The following GTF2IRD2B variants were observed in gnomAD, a reference collection of about 807,000 sequenced individuals.
The protein encoded by GTF2IRD2B is GTF2I repeat domain containing 2B.
GTF2IRD2B carries 10 observed loss-of-function variants against 55.6 expected under a neutral mutation model. The ratio of observed to expected loss-of-function variants is 0.18; its 90% confidence interval spans 0.11 to 0.31. The LOEUF (loss-of-function observed/expected upper bound fraction) is 0.31. Among genes scored for constraint, GTF2IRD2B ranks in the 10% least tolerant of loss-of-function variants. GTF2IRD2B has a pLI of 1.00. For synonymous variants in GTF2IRD2B, 107 were observed against 320.5 expected (o/e 0.33, Z 7.12); for missense variants, 206 against 802.7 (o/e 0.26, Z 8.98).
chr7:75,106,961 A>T (rs1807826852), intron 1 of GTF2IRD2B, among the ~76,000 whole-genome samples: 1 of 151,368 alleles, frequency 6.6e-6, no homozygotes, highest in African/African-American at 2.4e-5. Context: ...AAAAAAAAAA[A>T]AATCTTGGCA....
At chr7:75,120,138 AAAG>A (rs1166236887) in intron 3 of GTF2IRD2B, among the ~76,000 whole-genome samples, 1 of 120,552 alleles carries the variant, frequency 8.3e-6, no homozygotes, top group Non-Finnish European at 1.7e-5. Context: ...CAAAAAAAAA[AAAG>A]AAGAAAGAAA....
chr7:75,132,537 T>C (rs1472254405), intron 8 of GTF2IRD2B, among the ~76,000 whole-genome samples: 4 of 138,994 alleles, frequency 2.9e-5, no homozygotes, highest in African/African-American at 5.8e-5. Context: ...TTCATCCTCC[T>C]CTCCTTCCTT....
chr7:75,136,331 C>T (rs1808836677), intron 10 of GTF2IRD2B, among the ~76,000 whole-genome samples: 2 of 149,492 alleles, frequency 1.3e-5, no homozygotes, highest in Non-Finnish European at 1.5e-5. Flanking sequence ...CAGAATCTCA[C>T]CCTGTCACCC....
rs1244867445 is a variant in GTF2IRD2B at position 75,115,517 on chromosome 7, C to T, written c.238+2982C>T. On this transcript the variant is annotated intron_variant, in intron 3 of 15. Coordinates refer to ENST00000472837, the MANE Select transcript of GTF2IRD2B (RefSeq NM_001003795.3). ...TGGCTGACCACAACCTCTGCCTCCT[C>T]GGTTCAAGCCATTCTCCTGCCTCAG... 7.0e-5 allele frequency among the ~76,000 whole-genome samples: 10 copies of T among 142,966 alleles called. 1 individual carries two copies. Among genetic ancestry groups the T allele is most frequent in the East Asian group, 4.1e-4 (2 of 4,872 alleles). 93.8% of individuals were successfully genotyped at this position (142,966 alleles called of 152,430 possible). A position where few individuals can be genotyped will look rare whatever the true frequency, so the allele number is the denominator to read the frequency against.
At chr7:75,103,381 C>T (rs1310715454) in intron 1 of GTF2IRD2B, among the ~76,000 whole-genome samples, 4 of 151,222 alleles carry the variant, frequency 2.6e-5, no homozygotes, top group Admixed American at 1.3e-4. Context: ...CATGTGGTCC[C>T]GTGGGGACCA....
chr7:75,147,519 T>A (rs1275383964), intron 15 of GTF2IRD2B, among the ~76,000 whole-genome samples, 175 bp from the exon 16 acceptor site: 27 of 152,014 alleles, frequency 1.8e-4, no homozygotes, highest in African/African-American at 5.8e-4. Context: ...GGCAGCGGTT[T>A]GCTGGAGTTG....
chr7:75,127,071 A>T (rs191383136), intron 8 of GTF2IRD2B, among the ~76,000 whole-genome samples: 1,994 of 150,530 alleles, frequency 0.013, 45 homozygotes, highest in Middle Eastern at 0.024. Context: ...TTATCATTTG[A>T]CACCTTTCTT....
At chr7:75,136,198 C>T (rs1379504477) in intron 10 of GTF2IRD2B, among the ~76,000 whole-genome samples, 3 of 131,808 alleles carry the variant, frequency 2.3e-5, no homozygotes, top group South Asian at 2.3e-4. Context: ...AACCTAGAGG[C>T]GTGGGACATC....
intron 3 of GTF2IRD2B, among the ~76,000 whole-genome samples, chr7:75,117,001 C>T (rs1421156060): frequency 4.0e-5 from 6 of 149,602 alleles, no homozygotes; most frequent in East Asian, 3.9e-4. Context: ...TGATATTAGC[C>T]ATGGACTTTT....
chr7:75,146,616 C>T (rs1300295573), intron 15 of GTF2IRD2B: 2 of 27,200 alleles, frequency 7.4e-5, no homozygotes, highest in African/African-American at 3.2e-4. Context: ...CACTTAAACT[C>T]AGGAGTTTGA....
chr7:75,106,264 A>G (rs1306343606), intron 1 of GTF2IRD2B, among the ~76,000 whole-genome samples: 2 of 152,294 alleles, frequency 1.3e-5, no homozygotes, highest in African/African-American at 2.4e-5. Flanking sequence ...TTAGCCGAGC[A>G]TGGTGGCGCC....
chr7:75,092,556 A>G (rs1217864963), upstream of GTF2IRD2B: 21 of 152,064 alleles, frequency 1.4e-4, no homozygotes, highest in East Asian at 3.1e-3. Context: ...TCCAGGAAGC[A>G]AACAAAAAAA....
intron 3 of GTF2IRD2B, among the ~76,000 whole-genome samples, chr7:75,113,977 A>T (rs1401516315): frequency 6.7e-6 from 1 of 149,768 alleles, no homozygotes; most frequent in Admixed American, 6.7e-5. Context: ...TGGATAGATG[A>T]TAGATAAGAG....
At chr7:75,103,949 G>A (rs1438667899) in intron 1 of GTF2IRD2B, among the ~76,000 whole-genome samples, 8 of 149,486 alleles carry the variant, frequency 5.4e-5, no homozygotes, top group African/African-American at 9.8e-5. Flanking sequence ...GGAGAATGGC[G>A]TGAACCTGGG....
At position 75,109,604 on chromosome 7, in the gene GTF2IRD2B, G is replaced by T. The variant is rs587728123; in HGVS notation, c.99+541G>T. 9.8e-3 allele frequency among the ~76,000 whole-genome samples: 655 copies of T among 66,706 alleles called. 8 individuals carry two copies. Among genetic ancestry groups the T allele is most frequent in the Non-Finnish European group, 0.017 (467 of 26,936 alleles). 43.8% of individuals were successfully genotyped at this position (66,706 alleles called of 152,430 possible). On this transcript the variant is annotated intron_variant, in intron 2 of 15. Transcript: ENST00000472837. ...GATCTGCCCACCTCGGCCTCCCAAA[G>T]TGGTGGGATTACAGGCGTGAGCCAC...
chr7:75,116,859 A>G (rs374324038), intron 3 of GTF2IRD2B, among the ~76,000 whole-genome samples: 14 of 149,940 alleles, frequency 9.3e-5, no homozygotes, highest in African/African-American at 2.5e-4. Context: ...TGGCCAGCAT[A>G]GTCTCAAACT....
chr7:75,124,197 A>C (rs1554452299), intron 6 of GTF2IRD2B, among the ~76,000 whole-genome samples: 1 of 151,738 alleles, frequency 6.6e-6, no homozygotes, highest in African/African-American at 2.4e-5. Context: ...GTGAAACCCC[A>C]TCCCTACTAA....
At chr7:75,147,101 T>G (rs1217617676) in intron 15 of GTF2IRD2B, among the ~76,000 whole-genome samples, 1 of 151,594 alleles carries the variant, frequency 6.6e-6, no homozygotes, top group Non-Finnish European at 1.5e-5. Context: ...AACCAGGCAC[T>G]CTTTCATAAA....
At chr7:75,105,629 G>C (rs1411566763) in intron 1 of GTF2IRD2B, among the ~76,000 whole-genome samples, 1 of 152,306 alleles carries the variant, frequency 6.6e-6, no homozygotes, top group Non-Finnish European at 1.5e-5. Flanking sequence ...GCATCCTACT[G>C]GTTCAGCATA....
Sources: gnomAD v4.1 joint callset for allele counts (sites outside exome capture counted in the v4.1 genomes callset) on GRCh38, gnomAD v4.1.1 for gene constraint, MANE v1.5 for transcripts, NCBI Gene and HGNC (gene_info 2026-07-23, HGNC 2026-07-21) for gene names.